Variants in ACOXL observed in about 807,000 individuals in gnomAD.
ACOXL encodes acyl-CoA oxidase like, also known as acyl-coenzyme A oxidase-like protein.
Under a neutral mutation model 71.9 loss-of-function variants are expected in ACOXL, and 70 were observed. That is an observed-to-expected ratio of 0.97 (90% CI 0.80 to 1.19). The LOEUF is 1.19. Among genes scored for constraint, ACOXL ranks in the 50% most tolerant of loss-of-function variants. The pLI is 0.00. For missense variants in ACOXL, 703 were observed against 736.3 expected (o/e 0.95, Z 0.52); for synonymous variants, 253 against 281.6 (o/e 0.90, Z 1.02).
At chr2:110,919,842 TAAC>T (rs1197476521) in intron 11 of ACOXL, among the ~76,000 whole-genome samples, 3 of 152,222 alleles carry the variant, frequency 2.0e-5, no homozygotes, top group Non-Finnish European at 4.4e-5. Flanking sequence ...TTCTTTCACT[TAAC>T]AAAATGAATT....
chr2:110,768,552 A>G (rs1681437118), intron 2 of ACOXL, 88 bp downstream of exon 2: 1 of 1,239,724 alleles, frequency 8.1e-7, no homozygotes, highest in Non-Finnish European at 1.2e-6. Context: ...TTTTCTCTCC[A>G]GCTTTTATTT....
chr2:111,068,221 G>A (rs2149913444), intron 16 of ACOXL, among the ~76,000 whole-genome samples: 1 of 152,312 alleles, frequency 6.6e-6, no homozygotes, highest in African/African-American at 2.4e-5. Context: ...TGGAGGCTGA[G>A]GAACAGCATG....
chr2:111,105,160 A>G (rs191455560), intron 17 of ACOXL, among the ~76,000 whole-genome samples: 7 of 152,124 alleles, frequency 4.6e-5, no homozygotes, highest in Non-Finnish European at 7.4e-5. Flanking sequence ...GTATGGTTCT[A>G]TTTCTGCATT....
At chr2:110,773,886 A>G (rs1156648330) in intron 2 of ACOXL, among the ~76,000 whole-genome samples, 1 of 152,190 alleles carries the variant, frequency 6.6e-6, no homozygotes, top group Non-Finnish European at 1.5e-5. Flanking sequence ...CCCTCTATGT[A>G]GATTGGCACC....
intron 11 of ACOXL, among the ~76,000 whole-genome samples, chr2:110,931,029 C>A (rs2149332189): frequency 6.6e-6 from 1 of 152,286 alleles, no homozygotes; most frequent in East Asian, 1.9e-4. Context: ...CTTGAGACAT[C>A]ACCTATTAAA....
At chr2:110,829,330 G>GTGGTCAGCAC (rs1689546238) in intron 9 of ACOXL, among the ~76,000 whole-genome samples, 1 of 152,150 alleles carries the variant, frequency 6.6e-6, no homozygotes, top group Non-Finnish European at 1.5e-5. Context: ...GGTCCAGGTG[G>GTGGTCAGCAC]TGGTCAGCAC....
intron 12 of ACOXL, among the ~76,000 whole-genome samples, chr2:110,958,203 A>G (rs757140401): frequency 6.6e-6 from 1 of 152,096 alleles, no homozygotes; most frequent in Non-Finnish European, 1.5e-5. Flanking sequence ...TCTTCCAACT[A>G]AATTTTTAGT....
At chr2:111,067,830 A>G (rs2149911232) in intron 16 of ACOXL, among the ~76,000 whole-genome samples, 1 of 152,330 alleles carries the variant, frequency 6.6e-6, no homozygotes, top group African/African-American at 2.4e-5. Context: ...TGGGAAGTCC[A>G]GGGGAGGGGG....
rs562336481 is a variant in ACOXL at position 110,829,250 on chromosome 2, C to G, written c.754-12121C>G. ...GTAGTTTTCTATCTGCTGAACAGTT[C>G]ACACCCCATCCCCACCCCAGTTTGG... On this transcript the variant is annotated intron_variant, in intron 9 of 17. Transcript: ENST00000439055. Among the ~76,000 whole-genome samples, 3 of 152,218 alleles carry G rather than the reference C, an allele frequency of 2.0e-5. No homozygotes were observed. In the East Asian group the frequency reaches 5.8e-4, roughly 29 times the overall value.
chr2:110,798,994 G>T lies in ACOXL; in HGVS notation c.461-20G>T, dbSNP rs551890671. On this transcript the variant is annotated intron_variant, in intron 6 of 17. Coordinates refer to ENST00000439055, the MANE Select transcript of ACOXL (RefSeq NM_001142807.4). ...GCTATAGGAAGGAGAGCTTAATAAT[G>T]ATCTCGATGCCTTCCTTAGGGCCCC... 4 of 1,611,014 alleles carry T rather than the reference G, an allele frequency of 2.5e-6. No individual in the cohort carries two copies. Among genetic ancestry groups the T allele is most frequent in the East Asian group, 2.2e-5 (1 of 44,868 alleles).
At chr2:110,847,180 G>A (rs1692009449) in intron 10 of ACOXL, among the ~76,000 whole-genome samples, 1 of 151,870 alleles carries the variant, frequency 6.6e-6, no homozygotes, top group Non-Finnish European at 1.5e-5. Context: ...CCACTGTGTG[G>A]GTGTTTTGTT....
intron 2 of ACOXL, among the ~76,000 whole-genome samples, chr2:110,780,731 A>G (rs930960398): frequency 6.6e-6 from 1 of 152,166 alleles, no homozygotes; most frequent in Non-Finnish European, 1.5e-5. Context: ...GTGGATGGTG[A>G]TACAAAAAGA....
At chr2:111,052,270 C>T (rs1245651295) in intron 16 of ACOXL, among the ~76,000 whole-genome samples, 1 of 152,170 alleles carries the variant, frequency 6.6e-6, no homozygotes, top group Non-Finnish European at 1.5e-5. Flanking sequence ...TGAGCAAATT[C>T]ATAGAAAATT....
At chr2:111,047,175 A>G (rs112809591) in intron 15 of ACOXL, among the ~76,000 whole-genome samples, 1 of 152,208 alleles carries the variant, frequency 6.6e-6, no homozygotes, top group East Asian at 1.9e-4. Flanking sequence ...CTTGGTATGG[A>G]AGTTGACTGG....
At chr2:111,003,550 CAAAAAA>C (rs548001377) in intron 14 of ACOXL, among the ~76,000 whole-genome samples, 101 of 35,332 alleles carry the variant, frequency 2.9e-3, no homozygotes, top group African/African-American at 7.8e-3. Context: ...GACTCTGTCT[CAAAAAA>C]AAAAAAAAAA....
At chr2:110,791,149 G>T (rs1448192571) in intron 3 of ACOXL, among the ~76,000 whole-genome samples, 3 of 152,242 alleles carry the variant, frequency 2.0e-5, no homozygotes, top group Non-Finnish European at 4.4e-5. Context: ...CTGCCCTTCA[G>T]AGAATGTGGC....
intron 14 of ACOXL, among the ~76,000 whole-genome samples, chr2:111,027,720 G>T (rs915298947): frequency 6.6e-6 from 1 of 152,120 alleles, no homozygotes; most frequent in Admixed American, 6.6e-5. Context: ...TTCCTTTGTT[G>T]TAAGATTGTG....
chr2:110,817,502 G>A (rs1369373137), intron 9 of ACOXL, among the ~76,000 whole-genome samples: 7 of 152,244 alleles, frequency 4.6e-5, no homozygotes. Context: ...GCCTCAAAGT[G>A]CAGCATCTTC....
intron 11 of ACOXL, among the ~76,000 whole-genome samples, chr2:110,919,084 C>T (rs1423624235): frequency 7.4e-6 from 1 of 135,276 alleles, no homozygotes; most frequent in Non-Finnish European, 1.6e-5. Flanking sequence ...AGTCATTCTA[C>T]TATAAAGACA....
Sources: gnomAD v4.1 joint callset for allele counts (sites outside exome capture counted in the v4.1 genomes callset) on GRCh38, gnomAD v4.1.1 for gene constraint, MANE v1.5 for transcripts, NCBI Gene and HGNC (gene_info 2026-07-23, HGNC 2026-07-21) for gene names.